NEBL: variants seen among roughly 807,000 people sequenced by gnomAD.
The protein encoded by NEBL is LIM and SH3 protein 2.
NEBL carries 122 observed loss-of-function variants against 140.2 expected under a neutral mutation model. The ratio of observed to expected loss-of-function variants is 0.87; its 90% CI spans 0.75 to 1.01. The LOEUF is 1.01. Among genes scored for constraint, NEBL ranks in the 50% least tolerant of loss-of-function variants. The pLI is 0.00. For missense variants in NEBL, 1,365 were observed against 1,231.3 expected (o/e 1.11, Z -1.62); for synonymous variants, 436 against 398.9 (o/e 1.09, Z -1.11).
At chr10:21,139,671 G>A (rs956933538) in intron 2 of NEBL, among the ~76,000 whole-genome samples, 6 of 152,040 alleles carry the variant, frequency 3.9e-5, no homozygotes, top group Non-Finnish European at 5.9e-5. Context: ...AGCACATGTC[G>A]CACCTATTAG....
intron 2 of NEBL, among the ~76,000 whole-genome samples, chr10:21,022,262 C>T (rs1838828955): frequency 6.6e-6 from 1 of 152,168 alleles, no homozygotes; most frequent in Admixed American, 6.5e-5. Flanking sequence ...ACGTGTGTCT[C>T]TTCCTGTGGC....
At chr10:21,051,266 T>C (rs774918626) in intron 2 of NEBL, among the ~76,000 whole-genome samples, 2 of 152,220 alleles carry the variant, frequency 1.3e-5, no homozygotes, top group Admixed American at 6.5e-5. Flanking sequence ...TTGTAATCCA[T>C]GCTTTTATTT....
chr10:21,146,120 A>G (rs1839879507), intron 2 of NEBL, among the ~76,000 whole-genome samples: 1 of 152,224 alleles, frequency 6.6e-6, no homozygotes, highest in African/African-American at 2.4e-5. Flanking sequence ...CAAATCTCCA[A>G]AAGAAAAAGA....
chr10:20,868,389 T>C (rs1588881302), intron 7 of NEBL: 3 of 401,790 alleles, frequency 7.5e-6, no homozygotes, highest in East Asian at 1.0e-4. Flanking sequence ...CTTCTGGAAA[T>C]CCAGGGAAAT....
chr10:21,095,610 T>C (rs543499126), intron 2 of NEBL, among the ~76,000 whole-genome samples: 4 of 152,322 alleles, frequency 2.6e-5, no homozygotes, highest in Non-Finnish European at 5.9e-5. Flanking sequence ...CAAACAAGAA[T>C]GGCAATTTTC....
At chr10:21,239,879 C>T (rs552082652) in intron 3 of NEBL, among the ~76,000 whole-genome samples, 1 of 151,844 alleles carries the variant, frequency 6.6e-6, no homozygotes. Flanking sequence ...AGCCGGGCAT[C>T]GTGGCGGTCA....
intron 3 of NEBL, among the ~76,000 whole-genome samples, chr10:21,227,827 CT>C (rs1364779553): frequency 4.1e-5 from 6 of 144,780 alleles, no homozygotes; most frequent in South Asian, 2.2e-4. Context: ...TCTTCTTCTT[CT>C]TTCTTCTTCT....
chr10:21,177,573 A>AGTGCGAGTACAGTGG (rs1841323088), upstream of NEBL, among the ~76,000 whole-genome samples: 1 of 150,774 alleles, frequency 6.6e-6, no homozygotes, highest in African/African-American at 2.4e-5. Context: ...TCTGTCCCCC[A>AGTGCGAGTACAGTGG]GGCTGGAGTA....
At chr10:21,279,837 G>A (rs1007774098) in intron 1 of NEBL, among the ~76,000 whole-genome samples, 4 of 151,976 alleles carry the variant, frequency 2.6e-5, no homozygotes, top group African/African-American at 9.7e-5. Context: ...GTGTCCCACG[G>A]GCCATCATTT....
chr10:21,216,770 CGAAAAAAAAAAAA>C (rs1257252439), intron 3 of NEBL, among the ~76,000 whole-genome samples: 5 of 112,086 alleles, frequency 4.5e-5, no homozygotes, highest in Non-Finnish European at 8.1e-5. Context: ...GACTCCATCT[CGAAAAAAAAAAAA>C]GAAAAAGAAA....
intron 3 of NEBL, among the ~76,000 whole-genome samples, chr10:21,190,437 T>C (rs1293673478): frequency 6.6e-6 from 1 of 152,166 alleles, no homozygotes; most frequent in Non-Finnish European, 1.5e-5. Context: ...TGAGCTATGA[T>C]TGAACCACTG....
At chr10:20,831,354 C>T (rs781519864) in intron 15 of NEBL, 48 bp from the exon 16 acceptor site, 35 of 1,529,896 alleles carry the variant, frequency 2.3e-5, no homozygotes, top group South Asian at 1.3e-4. Context: ...GCTTTAATAG[C>T]GATGTTGAAA....
rs990656375 is a variant in NEBL at position 21,240,957 on chromosome 10, C to G, written n.348+6964G>C. On this transcript the variant is annotated intron_variant and non_coding_transcript_variant, in intron 3 of 8. Coordinates refer to the NEBL transcript ENST00000675702. ...ACACACACACACACAAAACCAGTAT[C>G]AAACTGTCTACAACTTTTGGCATGT... Among the ~76,000 whole-genome samples the G allele has an allele frequency of 3.3e-5, 5 of 149,316 alleles. No homozygotes were observed. The South Asian group carries it at 6.5e-4, about 19-fold the overall frequency.
chr10:20,781,490 G>C lies in NEBL; in HGVS notation c.*4257C>G, dbSNP rs1433139515. ...CATGGACACTGGAGAATGGGACTGT[G>C]ATGCAGTTTTCTCTTTTCCTTTAAA... On this transcript the variant is annotated 3_prime_UTR_variant, in exon 28 of 28. Coordinates refer to ENST00000377122, the MANE Select transcript of NEBL (RefSeq NM_006393.3). The C allele has an allele frequency of 3.3e-5, 5 of 152,172 alleles. No individual in the cohort carries two copies. Among genetic ancestry groups the C allele is most frequent in the Non-Finnish European group, 7.3e-5 (5 of 68,042 alleles). 9.4% of individuals were successfully genotyped at this position (152,172 alleles called of 1,614,324 possible).
At chr10:21,238,521 G>A (rs576978589) in intron 3 of NEBL, among the ~76,000 whole-genome samples, 1 of 150,902 alleles carries the variant, frequency 6.6e-6, no homozygotes, top group African/African-American at 2.4e-5. Flanking sequence ...CCAGCATGGT[G>A]AAACCCCATC....
chr10:20,786,291 A>C (rs1207509214), intron 27 of NEBL, among the ~76,000 whole-genome samples: 1 of 152,156 alleles, frequency 6.6e-6, no homozygotes, highest in Non-Finnish European at 1.5e-5. Context: ...AGAAGTTCAA[A>C]TCTCTCCTGG....
Position 20,819,428 on chromosome 10 carries a change from C to T in NEBL, c.2051G>A (p.Ser684Asn), listed in dbSNP as rs201497107. The change falls in exon 20 of 28, where the codon AGT becomes AAT. Residue 684 changes from serine (S) to asparagine (N), a missense_variant. By Grantham distance (46) the Ser-to-Asn change is conservative. Coordinates refer to ENST00000377122, the MANE Select transcript of NEBL (RefSeq NM_006393.3). ...AAGGAAACAGAAACGACTTGCCGCA[C>T]TCAGCTGCTCCTGGTTTCGCCTCAC... ...ERVRRNQEQL[S>N]AVKYKGELQR... 34 of 1,614,076 alleles carry T rather than the reference C, an allele frequency of 2.1e-5. No homozygotes were observed. The highest frequency in any genetic ancestry group is 1.2e-4 in the Admixed American group (7 of 60,012).
chr10:21,074,325 A>G (rs1051491640), intron 2 of NEBL, among the ~76,000 whole-genome samples: 1 of 152,106 alleles, frequency 6.6e-6, no homozygotes, highest in African/African-American at 2.4e-5. Context: ...AGGAGGCTGA[A>G]AGTTCATCAC....
chr10:20,984,324 G>T (rs1837168763), intron 3 of NEBL, among the ~76,000 whole-genome samples: 1 of 152,144 alleles, frequency 6.6e-6, no homozygotes, highest in Non-Finnish European at 1.5e-5. Context: ...TAATGTAGTT[G>T]TCAGTTTGTT....
Sources: gnomAD v4.1 joint callset for allele counts (sites outside exome capture counted in the v4.1 genomes callset) on GRCh38, gnomAD v4.1.1 for gene constraint, MANE v1.5 for transcripts, NCBI Gene and HGNC (gene_info 2026-07-23, HGNC 2026-07-21) for gene names.